Variants in TTC13 observed in about 807,000 individuals in gnomAD.
TTC13 encodes the protein tetratricopeptide repeat protein 13.
TTC13 carries 62 observed loss-of-function variants against 120.0 expected under a neutral mutation model. The ratio of observed to expected loss-of-function variants is 0.52; its 90% CI spans 0.42 to 0.64. TTC13 has a LOEUF of 0.64. Ranked by LOEUF, TTC13 falls within the 30% of genes least tolerant of loss-of-function variation. TTC13 has a pLI of 0.00. For synonymous variants in TTC13, 384 were observed against 393.5 expected, an observed-to-expected ratio of 0.98 and a Z score of 0.28; for missense variants, 824 against 1,050.2, an observed-to-expected ratio of 0.78 and a Z score of 2.98.
At chr1:230,968,340 C>A (rs928097907) in intron 1 of TTC13, among the ~76,000 whole-genome samples, 10 of 144,870 alleles carry the variant, frequency 6.9e-5, no homozygotes, top group African/African-American at 1.6e-4. Flanking sequence ...TTTAAAAAAA[C>A]AACCCGGGTC....
rs1676156455 is a variant in TTC13 at position 230,957,073 on chromosome 1, C to T, written c.442+1151G>A. ...GAACTCATTATTCAATAAATAAATA[C>T]TACTCTAAGTAGAATCCAAGGACTT... On this transcript the variant is annotated intron_variant, in intron 3 of 22. Transcript: ENST00000366661. Among the ~76,000 whole-genome samples the T allele has an allele frequency of 2.0e-5, 3 of 152,160 alleles. No homozygotes were observed. In the South Asian group the frequency reaches 6.2e-4, roughly 31 times the overall value.
intron 15 of TTC13, among the ~76,000 whole-genome samples, chr1:230,922,440 T>C (rs1471809173): frequency 6.6e-6 from 1 of 152,180 alleles, no homozygotes; most frequent in Non-Finnish European, 1.5e-5. Context: ...AATGTGCAAA[T>C]CTGTTCCTGT....
In TTC13 at chr1:230,912,681, G is replaced by A. The variant is rs927761270; in HGVS notation, c.2171C>T (p.Ala724Val). The change falls in exon 19 of 23, where the codon GCA becomes GTA. Residue 724 changes from alanine to valine, a missense_variant. By Grantham distance (64) the Ala-to-Val change is moderately conservative. This residue lies in a region of TTC13 where 226 missense variants were observed against 259.1 expected (regional missense o/e 0.87). Coordinates refer to ENST00000366661, the MANE Select transcript of TTC13 (RefSeq NM_024525.5). ...TTTTGCTGTCAAATCTTTATAAAGT[G>A]CATCTATTTCAGCATGATATAATTG... ...RTQLYHAEID[A>V]LYKDLTAKGK... The A allele has an allele frequency of 5.0e-6, 8 of 1,612,394 alleles. No homozygotes were observed. The South Asian group carries it at 5.5e-5, about 11-fold the overall frequency.
At chr1:230,909,612 G>A (rs1342240186) in intron 20 of TTC13, among the ~76,000 whole-genome samples, 1 of 152,200 alleles carries the variant, frequency 6.6e-6, no homozygotes, top group Non-Finnish European at 1.5e-5. Flanking sequence ...AGCAATGCAT[G>A]TATACAATAA....
At chr1:230,923,717 A>T in intron 15 of TTC13, 124 bp downstream of exon 15, 1 of 727,670 alleles carries the variant, frequency 1.4e-6, no homozygotes, top group Admixed American at 2.4e-5. Flanking sequence ...TGCAGAGTCA[A>T]TCAGTATGTT....
In TTC13 at chr1:230,919,504, A is replaced by G. The variant is rs938770191; in HGVS notation, c.1983+1006T>C. Among the ~76,000 whole-genome samples the G allele has an allele frequency of 1.1e-4, 16 of 152,180 alleles. 1 individual carries two copies. Among genetic ancestry groups the G allele is most frequent in the African/African-American group, 3.9e-4 (16 of 41,438 alleles). On this transcript the variant is annotated intron_variant, in intron 17 of 22. Transcript: ENST00000366661. ...GTGCACTGAGGATTCCATTTCCAAC[A>G]CATTCATTTTGAGGGGAACACATTC... is the stretch of plus-strand genomic sequence containing the variant.
chr1:230,939,944 T>C (rs1674395058), intron 7 of TTC13, among the ~76,000 whole-genome samples: 1 of 152,230 alleles, frequency 6.6e-6, no homozygotes, highest in African/African-American at 2.4e-5. Flanking sequence ...CAGAAATAAT[T>C]GTGGCAATCA....
At chr1:230,951,472 T>G (rs1231290409) in intron 4 of TTC13, among the ~76,000 whole-genome samples, 2 of 152,180 alleles carry the variant, frequency 1.3e-5, no homozygotes, top group Non-Finnish European at 2.9e-5. Context: ...CAAAGGACAT[T>G]TACTGGCTTA....
rs1312310556 is a variant in TTC13 at position 230,908,673 on chromosome 1, G to A, written c.2468+39C>T. 6 of 1,561,218 alleles carry A rather than the reference G, an allele frequency of 3.8e-6. No homozygotes were observed. The African/African-American group carries it at 5.5e-5, about 14-fold the overall frequency. On this transcript the variant is annotated intron_variant, in intron 22 of 22. Transcript: ENST00000366661. ...ACAGGAAACTCCTTTTCCTCCTCCA[G>A]TTATGATACCCTTGTGTGGACCCCC...
At chr1:230,973,918 A>C (rs1678007558) in intron 1 of TTC13, among the ~76,000 whole-genome samples, 1 of 152,106 alleles carries the variant, frequency 6.6e-6, no homozygotes, top group East Asian at 1.9e-4. Context: ...TCTACTAAAA[A>C]TACAAAAAAT....
intron 17 of TTC13, among the ~76,000 whole-genome samples, chr1:230,918,162 G>C (rs538203612): frequency 1.3e-5 from 2 of 152,264 alleles, no homozygotes; most frequent in African/African-American, 4.8e-5. Flanking sequence ...GCACTTAAAC[G>C]CTAACTATTT....
Position 230,908,601 on chromosome 1 carries a change from T to C in TTC13, c.2468+111A>G. 4 of 781,112 alleles carry C rather than the reference T, an allele frequency of 5.1e-6. No homozygotes were observed. In the South Asian group the frequency reaches 5.2e-5, roughly 10 times the overall value. 48.4% of individuals were successfully genotyped at this position (781,112 alleles called of 1,614,324 possible). A position where few individuals can be genotyped will look rare whatever the true frequency, so the allele number is the denominator to read the frequency against. On this transcript the variant is annotated intron_variant, in intron 22 of 22. Transcript: ENST00000366661. ...AAATTCATTGTATTACATATTAACT[T>C]ATAAAAATGAGTATAACAGTTCCAG...
chr1:230,914,204 A>T (rs1671789880), intron 18 of TTC13, among the ~76,000 whole-genome samples: 2 of 152,158 alleles, frequency 1.3e-5, no homozygotes, highest in Admixed American at 1.3e-4. Context: ...ACCCTTGAAC[A>T]ACATGGGTTC....
rs769523923 is a variant in TTC13 at position 230,906,995 on chromosome 1, A to G, written c.2493T>C (p.Leu831=). The change falls in exon 23 of 23, where the codon CTT becomes CTC. Residue 831 remains leucine, a synonymous_variant. Transcript: ENST00000366661. ...LKSISPSYKT[L]PSVSETFPTL... ...TTGGAAACGTTTCTGATACTGATGGAAGAGTCTTATAAGAAGGTGAAATAC... is the reference window on the plus strand; with the variant it reads ...TTGGAAACGTTTCTGATACTGATGGGAGAGTCTTATAAGAAGGTGAAATAC... 6.5e-7 allele frequency: 1 copy of G among 1,531,648 alleles called. No individual in the cohort carries two copies. The highest frequency in any genetic ancestry group is 1.3e-5 in the South Asian group (1 of 79,896). 94.9% of individuals were successfully genotyped at this position (1,531,648 alleles called of 1,614,324 possible).
At chr1:230,954,208 C>A in intron 4 of TTC13, 125 bp downstream of exon 4, 1 of 661,452 alleles carries the variant, frequency 1.5e-6, no homozygotes. Context: ...TCAGTCCATA[C>A]CAATTTCTTT....
intron 12 of TTC13, among the ~76,000 whole-genome samples, chr1:230,928,396 G>C (rs1313471551): frequency 6.6e-6 from 1 of 152,008 alleles, no homozygotes; most frequent in Non-Finnish European, 1.5e-5. Context: ...TATTTTTGTT[G>C]CTTATATATA....
intron 2 of TTC13, among the ~76,000 whole-genome samples, chr1:230,959,126 G>GT (rs1676380966): frequency 6.6e-6 from 1 of 152,034 alleles, no homozygotes; most frequent in African/African-American, 2.4e-5. Flanking sequence ...GTGAAGCTGG[G>GT]AAAAAAAGCA....
intron 17 of TTC13, chr1:230,920,238 G>C (rs761445215): frequency 5.4e-5 from 14 of 257,906 alleles, no homozygotes; most frequent in Non-Finnish European, 9.7e-5. Context: ...TAGAAGGGCA[G>C]CTGAGTACCA....
At chr1:230,956,296 T>C in intron 3 of TTC13, 1 of 184,466 alleles carries the variant, frequency 5.4e-6, no homozygotes, top group Admixed American at 5.9e-5. Context: ...GCCAAGGGGC[T>C]GAAATTCCTT....
Sources: allele counts gnomAD v4.1 joint callset (sites outside exome capture counted in the v4.1 genomes callset), GRCh38; gene constraint gnomAD v4.1.1; regional missense constraint gnomAD v4.1.1; transcripts MANE v1.5; gene names NCBI Gene and HGNC (gene_info 2026-07-23, HGNC 2026-07-21).